TYW1: variants seen among roughly 807,000 people sequenced by gnomAD.
TYW1 encodes tRNA-yW synthesizing protein 1 homolog.
Under a neutral mutation model 96.2 loss-of-function variants are expected in TYW1, and 46 were observed. The ratio of observed to expected loss-of-function variants is 0.48; its 90% confidence interval spans 0.38 to 0.61. The LOEUF is 0.61. Ranked by LOEUF, TYW1 falls within the 20% of genes least tolerant of loss-of-function variation. The probability of loss-of-function intolerance (pLI) is 0.00; values close to 1 mark genes in which losing one functional copy is unlikely to be tolerated. For missense variants in TYW1, 684 were observed against 909.6 expected, an observed-to-expected ratio of 0.75 and a Z score of 3.19; for synonymous variants, 274 against 323.0, an observed-to-expected ratio of 0.85 and a Z score of 1.63.
chr7:67,089,391 G>A (rs548011371), intron 11 of TYW1: 1 of 1,236,268 alleles, frequency 8.1e-7, no homozygotes, highest in Non-Finnish European at 1.2e-6. Flanking sequence ...GCATCTGGTG[G>A]GGAGGCCTGC....
At chr7:67,177,748 C>T (rs567527307) in intron 13 of TYW1, among the ~76,000 whole-genome samples, 1 of 152,310 alleles carries the variant, frequency 6.6e-6, no homozygotes, top group South Asian at 2.1e-4. Flanking sequence ...GGCAAAATGA[C>T]TTTGGCAATC....
At position 66,998,207 on chromosome 7, in the gene TYW1, TA is replaced by T; in HGVS notation, c.135+13del. 6.3e-6 allele frequency: 10 copies of T among 1,584,250 alleles called. No individual in the cohort carries two copies. Among genetic ancestry groups the T allele is most frequent in the African/African-American group, 4.3e-5 (3 of 69,546 alleles). On this transcript the variant is annotated intron_variant, in intron 2 of 15. Transcript: ENST00000359626. Reference sequence around the variant, plus strand: ...TCATCAAGACGCAGGTAAGTGGAGTTATTTTTTTTTTAATGGAGTATTTAGG... The same window carrying T: ...TCATCAAGACGCAGGTAAGTGGAGTTTTTTTTTTTTAATGGAGTATTTAGG...
chr7:67,189,192 C>G (rs957364866), intron 14 of TYW1, among the ~76,000 whole-genome samples: 9 of 152,296 alleles, frequency 5.9e-5, no homozygotes, highest in Non-Finnish European at 1.2e-4. Flanking sequence ...GTAGCATGAA[C>G]AACCCTTGGG....
intron 7 of TYW1, among the ~76,000 whole-genome samples, chr7:67,029,420 T>TATATATATATAC (rs1794594866): frequency 8.4e-6 from 1 of 118,532 alleles, no homozygotes; most frequent in Non-Finnish European, 1.7e-5. Context: ...TGTGTGTATA[T>TATATATATATAC]ATATATATAT....
At chr7:67,160,651 A>G (rs1447534270) in intron 13 of TYW1, among the ~76,000 whole-genome samples, 1 of 149,358 alleles carries the variant, frequency 6.7e-6, no homozygotes, top group Non-Finnish European at 1.5e-5. Flanking sequence ...GAGTGCAGTG[A>G]TGCGATTTCG....
intron 10 of TYW1, among the ~76,000 whole-genome samples, chr7:67,069,651 T>A (rs1164655752): frequency 6.6e-6 from 1 of 151,908 alleles, no homozygotes. Flanking sequence ...GAGGTGGGGG[T>A]GATCATAAGC....
intron 7 of TYW1, among the ~76,000 whole-genome samples, chr7:67,046,003 G>C (rs1016133399): frequency 1.2e-4 from 19 of 152,292 alleles, no homozygotes; most frequent in African/African-American, 4.1e-4. Flanking sequence ...ATTGGGAGTC[G>C]ACTGGCAAGG....
chr7:67,069,170 T>A (rs1795960179), intron 10 of TYW1, among the ~76,000 whole-genome samples: 1 of 152,104 alleles, frequency 6.6e-6, no homozygotes, highest in Non-Finnish European at 1.5e-5. Context: ...TATTTGGGGG[T>A]TACAAATAAA....
At chr7:67,022,574 T>C (rs1368440385) in intron 6 of TYW1, among the ~76,000 whole-genome samples, 1 of 152,208 alleles carries the variant, frequency 6.6e-6, no homozygotes, top group East Asian at 1.9e-4. Flanking sequence ...GGTATTGTTA[T>C]ATATTTAGAC....
chr7:67,098,813 T>C, intron 12 of TYW1, 95 bp downstream of exon 12: 1 of 1,329,506 alleles, frequency 7.5e-7, no homozygotes, highest in Non-Finnish European at 1.0e-6. Context: ...TAGGATTTAT[T>C]GATTACTTAC....
intron 4 of TYW1, among the ~76,000 whole-genome samples, chr7:67,011,087 G>T (rs1323324194): frequency 6.6e-6 from 1 of 152,138 alleles, no homozygotes; most frequent in Non-Finnish European, 1.5e-5. Flanking sequence ...GCCCAGGCTG[G>T]AGTGCAGTGG....
rs534472008 is a variant in TYW1, at chr7:67,140,474, A to G, written c.1698+22856A>G. On this transcript the variant is annotated intron_variant, in intron 13 of 15. Coordinates refer to ENST00000359626, the MANE Select transcript of TYW1 (RefSeq NM_018264.4). ...TTAAAAAATGTTTAAAGTTGGTACT[A>G]AAATGTCCTAAACATACTGAAAATA... Among the ~76,000 whole-genome samples the G allele has an allele frequency of 9.6e-4, 146 of 152,350 alleles. 1 individual carries two copies. Among genetic ancestry groups the G allele is most frequent in the Middle Eastern group, 3.4e-3 (1 of 294 alleles).
At chr7:67,136,691 A>G (rs1408817396) in intron 13 of TYW1, among the ~76,000 whole-genome samples, 21 of 148,408 alleles carry the variant, frequency 1.4e-4, no homozygotes, top group African/African-American at 4.6e-4. Context: ...GTGTGTATAT[A>G]TATATATGCT....
At chr7:67,138,745 C>G (rs34762791) in intron 13 of TYW1, among the ~76,000 whole-genome samples, 38,932 of 151,986 alleles carry the variant, frequency 0.26, 5,430 homozygotes, top group African/African-American at 0.37. Flanking sequence ...CTTTCTGTGC[C>G]TGGCTAATAT....
At chr7:67,011,200 G>A (rs1470625270) in intron 4 of TYW1, among the ~76,000 whole-genome samples, 1 of 152,040 alleles carries the variant, frequency 6.6e-6, no homozygotes, top group East Asian at 1.9e-4. Context: ...ACCATGCCTG[G>A]CTAATTTTTG....
chr7:67,131,756 G>A (rs928082222), intron 13 of TYW1, among the ~76,000 whole-genome samples: 5 of 152,218 alleles, frequency 3.3e-5, no homozygotes, highest in African/African-American at 1.2e-4. Flanking sequence ...AAGTAGGGAA[G>A]CTGACAGTGC....
intron 13 of TYW1, among the ~76,000 whole-genome samples, chr7:67,150,690 C>A (rs1333005550): frequency 2.6e-5 from 4 of 152,046 alleles, no homozygotes; most frequent in African/African-American, 9.7e-5. Context: ...TTCTTTCTTG[C>A]AACTAAAATT....
At chr7:67,019,288 TC>T (rs755447060) in intron 6 of TYW1, among the ~76,000 whole-genome samples, 30 of 152,044 alleles carry the variant, frequency 2.0e-4, no homozygotes, top group Non-Finnish European at 3.8e-4. Context: ...CCCCAACCCT[TC>T]CCCCAGCTCC....
chr7:67,093,479 C>CT (rs2115831171), intron 11 of TYW1, among the ~76,000 whole-genome samples: 1 of 152,264 alleles, frequency 6.6e-6, no homozygotes, highest in East Asian at 1.9e-4. Flanking sequence ...CTTCCACTTT[C>CT]TGAGTTTTAG....
Sources: gnomAD v4.1 joint callset for allele counts (sites outside exome capture counted in the v4.1 genomes callset) on GRCh38, gnomAD v4.1.1 for gene constraint, MANE v1.5 for transcripts, NCBI Gene and HGNC (gene_info 2026-07-23, HGNC 2026-07-21) for gene names.